CASK: variants seen among roughly 807,000 people sequenced by gnomAD.
CASK encodes the protein peripheral plasma membrane protein CASK.
A neutral mutation model predicts 82.9 loss-of-function variants in CASK; 4 were observed. The ratio of observed to expected loss-of-function variants is 0.05; its 90% CI spans 0.02 to 0.11. The LOEUF (loss-of-function observed/expected upper bound fraction) is 0.11. Among genes scored for constraint, CASK ranks in the 10% least tolerant of loss-of-function variants. The probability of loss-of-function intolerance (pLI) is 1.00; values close to 1 mark genes in which losing one functional copy is unlikely to be tolerated. For synonymous variants in CASK, 259 were observed against 253.5 expected (o/e 1.02, Z -0.20); for missense variants, 358 against 720.9 (o/e 0.50, Z 5.76).
At position 41,766,116 on chromosome X, in the gene CASK, CAAACTT is replaced by C. The variant is rs1256088261; in HGVS notation, c.279-20521_279-20516del. On this transcript the variant is annotated intron_variant, in intron 3 of 26. Coordinates refer to ENST00000378163, the MANE Select transcript of CASK (RefSeq NM_001367721.1). ...AAAAAAACAAACTGAAACAAACAAA[CAAACTT>C]AAATCTATCTATATCAAGCTTGTGG... 1.6e-3 allele frequency among the ~76,000 whole-genome samples: 180 copies of C among 111,685 alleles called. 1 individual carries two copies. The highest frequency in any genetic ancestry group is 5.6e-3 in the African/African-American group (172 of 30,810).
In CASK at chrX:41,749,987, TG is replaced by T. The variant is rs1244739226; in HGVS notation, c.279-4387del. On this transcript the variant is annotated intron_variant, in intron 3 of 26. Transcript: ENST00000378163. ...TAAATGGGATCTTTCAGCCATTATA[TG>T]TTTTTTTTTAATTCAATGCTTCATA... 1.5e-3 allele frequency among the ~76,000 whole-genome samples: 166 copies of T among 111,249 alleles called. 1 individual carries two copies. The highest frequency in any genetic ancestry group is 5.2e-3 in the African/African-American group (159 of 30,600).
At chrX:41,922,846 G>T in intron 1 of CASK, 84 bp downstream of exon 1, 2 of 859,273 alleles carry the variant, frequency 2.3e-6, no homozygotes, top group Non-Finnish European at 3.4e-6. Flanking sequence ...AGGGCAGGGG[G>T]CAGGCCCCGA....
intron 2 of CASK, among the ~76,000 whole-genome samples, chrX:41,800,232 G>A (rs1050112977): frequency 1.6e-4 from 18 of 110,248 alleles, no homozygotes; most frequent in Non-Finnish European, 3.2e-4. Context: ...TTTGAGCTGT[G>A]GAAGATCCAC....
At chrX:41,631,801 A>G (rs1324948363) in intron 9 of CASK, among the ~76,000 whole-genome samples, 1 of 112,162 alleles carries the variant, frequency 8.9e-6, no homozygotes, top group African/African-American at 3.2e-5. Context: ...AAAATCACAA[A>G]TTAATTGATT....
At chrX:41,593,639 G>A (rs888066969) in intron 12 of CASK, among the ~76,000 whole-genome samples, 4 of 111,680 alleles carry the variant, frequency 3.6e-5, no homozygotes, top group African/African-American at 1.3e-4. Flanking sequence ...AAGTTGGAAA[G>A]TATCTTGATG....
intron 1 of CASK, among the ~76,000 whole-genome samples, chrX:41,859,820 T>C (rs756611927): frequency 9.8e-4 from 109 of 111,481 alleles, no homozygotes; most frequent in African/African-American, 3.4e-3. Flanking sequence ...GGTTATGTAT[T>C]GATCGGTTGA....
chrX:41,674,325 C>T (rs925200756), intron 5 of CASK, among the ~76,000 whole-genome samples: 4 of 110,810 alleles, frequency 3.6e-5, no homozygotes. Flanking sequence ...GGTGACAAGA[C>T]AGAAGGCTAA....
intron 14 of CASK, chrX:41,585,510 C>T (rs745813331): frequency 8.9e-6 from 1 of 112,133 alleles, no homozygotes; most frequent in East Asian, 2.8e-4. Flanking sequence ...CTTTGGGAGG[C>T]TGAGGCGGGC....
Position 41,639,634 on chromosome X carries a change from G to A in CASK, c.832-2973C>T, listed in dbSNP as rs73193115. 6.3e-3 allele frequency among the ~76,000 whole-genome samples: 697 copies of A among 111,077 alleles called. 6 individuals are homozygous for A. The highest frequency in any genetic ancestry group is 0.011 in the Non-Finnish European group (564 of 53,026). ...ATACAATAAGCTGCACATTTAAAAT[G>A]TACAATTTGATAAGTTTTGACATAT... On this transcript the variant is annotated intron_variant, in intron 8 of 26. Transcript: ENST00000378163.
chrX:41,517,764 T>TAGCAGTAGCAGC lies in CASK; in HGVS notation c.*2644_*2655dup. ...GATTGCTTAGTGGACAATTGTAATG[T>TAGCAGTAGCAGC]AGCAGTAGCAGCAGCAGCAGCAGCA... On this transcript the variant is annotated 3_prime_UTR_variant, in exon 27 of 27. Transcript: ENST00000378163. 1.4e-6 allele frequency: 1 copy of TAGCAGTAGCAGC among 734,606 alleles called. No individual in the cohort carries two copies. Among genetic ancestry groups the TAGCAGTAGCAGC allele is most frequent in the Non-Finnish European group, 2.0e-6 (1 of 498,845 alleles). The allele number at this position is 734,606 out of a possible 1,213,427, so 60.5% of individuals were successfully genotyped here. A position where few individuals can be genotyped will look rare whatever the true frequency, so the allele number is the denominator to read the frequency against.
intron 2 of CASK, among the ~76,000 whole-genome samples, chrX:41,825,113 G>A (rs901361278): frequency 9.0e-6 from 1 of 111,551 alleles, no homozygotes; most frequent in African/African-American, 3.3e-5. Context: ...ATAAATGCTT[G>A]AGGGAACAGA....
At chrX:41,704,358 T>C (rs1386453259) in intron 5 of CASK, among the ~76,000 whole-genome samples, 5 of 112,078 alleles carry the variant, frequency 4.5e-5, no homozygotes, top group Non-Finnish European at 7.5e-5. Context: ...ATAAATAGTA[T>C]AGAGGAGTCG....
intron 3 of CASK, among the ~76,000 whole-genome samples, chrX:41,782,177 A>G (rs1318537965): frequency 8.9e-6 from 1 of 112,401 alleles, no homozygotes; most frequent in Non-Finnish European, 1.9e-5. Flanking sequence ...GGAGAAAAAG[A>G]CATCAGGAGG....
intron 8 of CASK, among the ~76,000 whole-genome samples, chrX:41,651,814 C>T (rs1428703520): frequency 8.9e-6 from 1 of 112,160 alleles, no homozygotes; most frequent in Non-Finnish European, 1.9e-5. Context: ...TGAGCACCTA[C>T]TGCATGCCAG....
chrX:41,882,066 G>A (rs2071963021), intron 1 of CASK, among the ~76,000 whole-genome samples: 1 of 111,304 alleles, frequency 9.0e-6, no homozygotes, highest in South Asian at 3.8e-4. Flanking sequence ...ACTGTGCCTG[G>A]TATTTAATAA....
chrX:41,726,945 C>A, intron 5 of CASK: 1 of 518,045 alleles, frequency 1.9e-6, no homozygotes, highest in Non-Finnish European at 3.0e-6. Context: ...AGCTTAAATA[C>A]TGTACCAAAA....
At chrX:41,805,816 G>C (rs2070109444) in intron 2 of CASK, among the ~76,000 whole-genome samples, 1 of 111,247 alleles carries the variant, frequency 9.0e-6, no homozygotes, top group Admixed American at 9.6e-5. Flanking sequence ...ACTTTAAGGA[G>C]AGACACCATA....
At chrX:41,881,586 C>T (rs1373564857) in intron 1 of CASK, among the ~76,000 whole-genome samples, 2 of 111,407 alleles carry the variant, frequency 1.8e-5, no homozygotes, top group African/African-American at 6.5e-5. Context: ...CAATAAATTT[C>T]GTAGAGTGAA....
chrX:41,909,911 T>C (rs980098800), intron 1 of CASK, among the ~76,000 whole-genome samples: 1 of 110,594 alleles, frequency 9.0e-6, no homozygotes, highest in African/African-American at 3.3e-5. Context: ...CCAGCCAAAG[T>C]ACAAGTCCAT....
Sources: allele counts gnomAD v4.1 joint callset (sites outside exome capture counted in the v4.1 genomes callset), GRCh38; gene constraint gnomAD v4.1.1; transcripts MANE v1.5; gene names NCBI Gene and HGNC (gene_info 2026-07-23, HGNC 2026-07-21).